The following ANO10 variants were observed in gnomAD, a reference collection of about 807,000 sequenced individuals.
ANO10 encodes the protein anoctamin 10.
ANO10 carries 77 observed loss-of-function variants against 74.7 expected under a neutral mutation model. That is an observed-to-expected ratio of 1.03 (90% CI 0.86 to 1.25). The LOEUF (loss-of-function observed/expected upper bound fraction) is 1.25. Among genes scored for constraint, ANO10 ranks in the 50% most tolerant of loss-of-function variants. ANO10 has a pLI of 0.00. For synonymous variants in ANO10, 279 were observed against 284.9 expected (o/e 0.98, Z 0.21); for missense variants, 721 against 778.1 (o/e 0.93, Z 0.87).
intron 11 of ANO10, among the ~76,000 whole-genome samples, chr3:43,501,986 T>A (rs2077117014): frequency 6.6e-6 from 1 of 152,152 alleles, no homozygotes; most frequent in East Asian, 1.9e-4. Context: ...ATGGCTACTA[T>A]AAACAAACAA....
intron 12 of ANO10, among the ~76,000 whole-genome samples, chr3:43,385,769 GA>G (rs2092097965): frequency 6.8e-6 from 1 of 148,040 alleles, no homozygotes; most frequent in African/African-American, 2.5e-5. Context: ...GGGGGGGAAG[GA>G]TGGGAGGGGA....
intron 11 of ANO10, among the ~76,000 whole-genome samples, chr3:43,446,939 AC>A (rs937337915): frequency 1.3e-5 from 2 of 152,118 alleles, no homozygotes; most frequent in African/African-American, 4.8e-5. Flanking sequence ...CCAATGCCCC[AC>A]TGTGCCTCCT....
intron 1 of ANO10, among the ~76,000 whole-genome samples, chr3:43,666,901 G>T (rs907394311): frequency 2.6e-5 from 4 of 151,672 alleles, no homozygotes; most frequent in African/African-American, 9.7e-5. Context: ...ATTTTAGTAG[G>T]GTATATGATT....
intron 1 of ANO10, among the ~76,000 whole-genome samples, chr3:43,640,803 C>A (rs959306618): frequency 6.6e-6 from 1 of 152,134 alleles, no homozygotes; most frequent in African/African-American, 2.4e-5. Context: ...AGATTTCATG[C>A]TTAGTGCTTT....
At chr3:43,454,157 C>T (rs2075020028) in intron 11 of ANO10, among the ~76,000 whole-genome samples, 1 of 152,156 alleles carries the variant, frequency 6.6e-6, no homozygotes, top group Non-Finnish European at 1.5e-5. Context: ...AGGGGAAAGG[C>T]AAATGTAAAG....
At chr3:43,403,213 CT>C (rs1275738672) in intron 12 of ANO10, among the ~76,000 whole-genome samples, 2 of 152,350 alleles carry the variant, frequency 1.3e-5, no homozygotes, top group East Asian at 3.9e-4. Context: ...AGAGGCACCC[CT>C]GGGAACTGCA....
chr3:43,668,342 TG>T (rs933030813), intron 1 of ANO10, among the ~76,000 whole-genome samples: 1 of 152,178 alleles, frequency 6.6e-6, no homozygotes, highest in Non-Finnish European at 1.5e-5. Flanking sequence ...CTTCGTTAGA[TG>T]CAAATTTTGT....
intron 11 of ANO10, among the ~76,000 whole-genome samples, chr3:43,537,311 C>T (rs1421606220): frequency 6.6e-6 from 1 of 152,180 alleles, no homozygotes; most frequent in Non-Finnish European, 1.5e-5. Flanking sequence ...TCTTTCTACT[C>T]ATATCCCACC....
chr3:43,650,929 G>A (rs939658316), intron 1 of ANO10, among the ~76,000 whole-genome samples: 11 of 152,118 alleles, frequency 7.2e-5, no homozygotes, highest in Non-Finnish European at 7.3e-5. Flanking sequence ...CTTTCATAAG[G>A]AGCACAATAG....
At chr3:43,378,672 G>A (rs1198637033) in intron 12 of ANO10, among the ~76,000 whole-genome samples, 4 of 152,022 alleles carry the variant, frequency 2.6e-5, no homozygotes, top group Non-Finnish European at 2.9e-5. Flanking sequence ...CTTCCCCCCA[G>A]AGCAGGGCCC....
chr3:43,443,179 T>C (rs866373668), intron 11 of ANO10, among the ~76,000 whole-genome samples: 3 of 152,176 alleles, frequency 2.0e-5, no homozygotes, highest in Non-Finnish European at 4.4e-5. Context: ...GAACCACTAA[T>C]ATCACAAAAG....
intron 1 of ANO10, among the ~76,000 whole-genome samples, chr3:43,664,340 G>A (rs1455469121): frequency 6.6e-6 from 1 of 152,084 alleles, no homozygotes; most frequent in African/African-American, 2.4e-5. Context: ...GCAGAAAACT[G>A]AAACTGGACC....
At chr3:43,471,110 A>C (rs1425788419) in intron 11 of ANO10, among the ~76,000 whole-genome samples, 1 of 152,202 alleles carries the variant, frequency 6.6e-6, no homozygotes, top group Non-Finnish European at 1.5e-5. Context: ...GGATGCTATA[A>C]TGATTTCTTC....
intron 1 of ANO10, among the ~76,000 whole-genome samples, chr3:43,609,925 A>G (rs903051474): frequency 3.9e-5 from 6 of 152,178 alleles, no homozygotes; most frequent in Non-Finnish European, 8.8e-5. Context: ...AGTGAATGTG[A>G]AGGCCTAAGA....
Position 43,570,906 on chromosome 3 carries a change from A to C in ANO10, c.1218+3903T>G, listed in dbSNP as rs1305900332. On this transcript the variant is annotated intron_variant, in intron 7 of 12. Coordinates refer to ENST00000292246, the MANE Select transcript of ANO10 (RefSeq NM_018075.5). The stretch of plus-strand genomic sequence containing the variant: ...ATCAGAGTGAACAGGCAACCTACAA[A>C]ATGGGAGAAAATTTTCGCAACCTAC... Among the ~76,000 whole-genome samples the C allele has an allele frequency of 6.5e-5, 9 of 137,448 alleles. No individual in the cohort carries two copies. The South Asian group carries it at 7.2e-4, about 11-fold the overall frequency. The allele number at this position is 137,448 out of a possible 152,430, so 90.2% of individuals were successfully genotyped here.
chr3:43,667,404 A>G (rs2084005577), intron 1 of ANO10, among the ~76,000 whole-genome samples: 1 of 152,086 alleles, frequency 6.6e-6, no homozygotes, highest in Admixed American at 6.6e-5. Flanking sequence ...CATGTAATTT[A>G]ATTTGTGTAG....
intron 11 of ANO10, among the ~76,000 whole-genome samples, chr3:43,508,000 A>C (rs536282081): frequency 6.6e-6 from 1 of 152,316 alleles, no homozygotes; most frequent in South Asian, 2.1e-4. Context: ...CACTGAAATA[A>C]AGTATAATTT....
intron 11 of ANO10, among the ~76,000 whole-genome samples, chr3:43,506,525 C>T (rs1390600212): frequency 1.3e-5 from 2 of 152,198 alleles, no homozygotes; most frequent in Non-Finnish European, 2.9e-5. Flanking sequence ...CCTCCGGCAG[C>T]TCCCATGCCA....
chr3:43,412,200 T>C (rs540246161), intron 12 of ANO10, among the ~76,000 whole-genome samples: 1 of 151,908 alleles, frequency 6.6e-6, no homozygotes, highest in African/African-American at 2.4e-5. Context: ...AAAGTGAAAA[T>C]CAAACCCCCT....
Sources: gnomAD v4.1 joint callset for allele counts (sites outside exome capture counted in the v4.1 genomes callset) on GRCh38, gnomAD v4.1.1 for gene constraint, MANE v1.5 for transcripts, NCBI Gene and HGNC (gene_info 2026-07-23, HGNC 2026-07-21) for gene names.